PCDH15: variants seen among roughly 807,000 people sequenced by gnomAD.
PCDH15 encodes protocadherin related 15, also known as protocadherin-15.
Under a neutral mutation model 178.5 loss-of-function variants are expected in PCDH15, and 129 were observed. That is an observed-to-expected ratio of 0.72 (90% CI 0.63 to 0.84). The LOEUF (loss-of-function observed/expected upper bound fraction) is 0.84. PCDH15 is among the 40% of genes least tolerant of loss of function. PCDH15 has a pLI of 0.00. For missense variants in PCDH15, 2,230 were observed against 2,099.9 expected, an observed-to-expected ratio of 1.06 and a Z score of -1.21; for synonymous variants, 800 against 732.0, an observed-to-expected ratio of 1.09 and a Z score of -1.50.
chr10:55,104,366 T>C (rs544374491), intron 2 of PCDH15, among the ~76,000 whole-genome samples: 2 of 152,168 alleles, frequency 1.3e-5, no homozygotes, highest in Admixed American at 6.6e-5. Context: ...CAAACACCTT[T>C]CTAAAATTAT....
chr10:54,852,813 A>T, intron 3 of PCDH15, among the ~76,000 whole-genome samples: 1 of 151,864 alleles, frequency 6.6e-6, no homozygotes, highest in East Asian at 1.9e-4. Context: ...AGATCACGCC[A>T]CTGCACTCCA....
At chr10:54,630,633 A>C (rs1232754728) in intron 2 of PCDH15, among the ~76,000 whole-genome samples, 1 of 152,190 alleles carries the variant, frequency 6.6e-6, no homozygotes, top group Non-Finnish European at 1.5e-5. Context: ...TTGCAAAAAC[A>C]AAAATTACAA....
intron 13 of PCDH15, among the ~76,000 whole-genome samples, chr10:54,165,064 G>A (rs541436370): frequency 3.3e-5 from 5 of 152,294 alleles, no homozygotes; most frequent in African/African-American, 1.2e-4. Flanking sequence ...ATTTCTTCAT[G>A]TGTCAATAAC....
At chr10:54,927,358 G>C (rs1442121103) in intron 2 of PCDH15, among the ~76,000 whole-genome samples, 1 of 152,020 alleles carries the variant, frequency 6.6e-6, no homozygotes, top group Admixed American at 6.6e-5. Flanking sequence ...GTCCAATTAT[G>C]CAATCAATTT....
At chr10:53,986,786 A>T (rs1024086769) in intron 21 of PCDH15, among the ~76,000 whole-genome samples, 1 of 152,224 alleles carries the variant, frequency 6.6e-6, no homozygotes, top group Non-Finnish European at 1.5e-5. Context: ...CAAACTCAAG[A>T]AGCAGAGGTG....
At chr10:53,848,578 G>GT (rs1291000187) in intron 28 of PCDH15, among the ~76,000 whole-genome samples, 2 of 151,738 alleles carry the variant, frequency 1.3e-5, no homozygotes, top group Non-Finnish European at 2.9e-5. Context: ...GTCTGGAAAT[G>GT]TTTTTTTCCT....
chr10:53,963,076 C>A (rs1465974413), intron 21 of PCDH15, among the ~76,000 whole-genome samples: 1 of 152,176 alleles, frequency 6.6e-6, no homozygotes, highest in Non-Finnish European at 1.5e-5. Flanking sequence ...CATTACCCCC[C>A]ACAGGGTGTT....
chr10:54,954,057 T>C (rs1445318246), intron 2 of PCDH15, among the ~76,000 whole-genome samples: 1 of 151,222 alleles, frequency 6.6e-6, no homozygotes, highest in African/African-American at 2.4e-5. Context: ...AATCTTATCT[T>C]TTCTATATCA....
At chr10:54,302,428 A>G (rs1349686999) in intron 8 of PCDH15, among the ~76,000 whole-genome samples, 1 of 152,132 alleles carries the variant, frequency 6.6e-6, no homozygotes, top group Non-Finnish European at 1.5e-5. Flanking sequence ...AACCCTCAAG[A>G]TGGCGGTATT....
chr10:54,726,498 T>A (rs1439144392), intron 1 of PCDH15, among the ~76,000 whole-genome samples: 9 of 147,538 alleles, frequency 6.1e-5, no homozygotes, highest in Non-Finnish European at 1.2e-4. Context: ...TAAAATAAAG[T>A]GGTATGAAAC....
chr10:54,558,202 G>C (rs2087566210), intron 2 of PCDH15, among the ~76,000 whole-genome samples: 1 of 152,050 alleles, frequency 6.6e-6, no homozygotes, highest in Non-Finnish European at 1.5e-5. Flanking sequence ...GACTACAAGA[G>C]AGTTCTGAGA....
At chr10:54,155,791 T>TAAAAAAAA (rs527427577) in intron 13 of PCDH15, among the ~76,000 whole-genome samples, 1 of 119,576 alleles carries the variant, frequency 8.4e-6, no homozygotes. Flanking sequence ...GTGAGACTCT[T>TAAAAAAAA]AAAAAAAAAA....
chr10:54,502,668 G>A (rs1157560303), intron 3 of PCDH15, among the ~76,000 whole-genome samples: 1 of 152,026 alleles, frequency 6.6e-6, no homozygotes, highest in African/African-American at 2.4e-5. Context: ...TTTAGTATCA[G>A]AGTAACCCAT....
chr10:54,167,280 C>A (rs189470473), intron 13 of PCDH15, among the ~76,000 whole-genome samples: 137 of 152,234 alleles, frequency 9.0e-4, no homozygotes, highest in Middle Eastern at 3.4e-3. Flanking sequence ...ATCAGGTAAG[C>A]GGCCTCTTCT....
At chr10:54,063,828 A>T (rs2094081479) in intron 18 of PCDH15, among the ~76,000 whole-genome samples, 1 of 152,174 alleles carries the variant, frequency 6.6e-6, no homozygotes, top group African/African-American at 2.4e-5. Context: ...GCCCTCTCCC[A>T]GCAAACCTTA....
intron 2 of PCDH15, among the ~76,000 whole-genome samples, chr10:55,334,643 G>GT (rs1209203303): frequency 1.6e-4 from 25 of 151,964 alleles, no homozygotes; most frequent in African/African-American, 5.5e-4. Flanking sequence ...TATCTGTATT[G>GT]TATTTCACTG....
intron 3 of PCDH15, among the ~76,000 whole-genome samples, chr10:54,846,112 T>C (rs550521320): frequency 6.6e-6 from 1 of 152,264 alleles, no homozygotes; most frequent in Non-Finnish European, 1.5e-5. Context: ...AATGTTATTT[T>C]CCCCAATTTG....
intron 26 of PCDH15, among the ~76,000 whole-genome samples, chr10:53,886,271 A>T (rs1471898413): frequency 6.6e-6 from 1 of 152,156 alleles, no homozygotes; most frequent in East Asian, 1.9e-4. Flanking sequence ...CACTCTGCAG[A>T]CCTGTTGCTT....
At chr10:54,219,747 T>C (rs2052575912) in intron 9 of PCDH15, among the ~76,000 whole-genome samples, 2 of 151,800 alleles carry the variant, frequency 1.3e-5, no homozygotes, top group African/African-American at 4.8e-5. Context: ...ATAATATTTG[T>C]GAGAAAGTGA....
Sources: gnomAD v4.1 joint callset for allele counts (sites outside exome capture counted in the v4.1 genomes callset) on GRCh38, gnomAD v4.1.1 for gene constraint, MANE v1.5 for transcripts, NCBI Gene and HGNC (gene_info 2026-07-23, HGNC 2026-07-21) for gene names.